The following SPAG9 variants were observed in gnomAD, a reference collection of about 807,000 sequenced individuals.
SPAG9 encodes C-Jun-amino-terminal kinase-interacting protein 4.
In SPAG9, 35 loss-of-function variants were observed where a neutral mutation model predicts 166.5. The observed-to-expected ratio is 0.21, with a 90% CI of 0.16 to 0.28. The LOEUF is 0.28. SPAG9 is among the 10% of genes least tolerant of loss of function. The pLI is 1.00. For synonymous variants in SPAG9, 534 were observed against 565.5 expected (o/e 0.94, Z 0.79); for missense variants, 1,235 against 1,603.3 (o/e 0.77, Z 3.92).
chr17:51,009,244 C>A, intron 9 of SPAG9: 4 of 405,424 alleles, frequency 9.9e-6, no homozygotes, highest in Non-Finnish European at 1.4e-5. Flanking sequence ...AGAGAGGAAA[C>A]AAAGAAATTG....
chr17:51,002,780 AC>A (rs1189266348), intron 12 of SPAG9, among the ~76,000 whole-genome samples: 1 of 151,670 alleles, frequency 6.6e-6, no homozygotes, highest in East Asian at 1.9e-4. Context: ...AACAACAACA[AC>A]AAAAACAACA....
At chr17:50,999,411 C>A in intron 14 of SPAG9, 1 of 1,323,126 alleles carries the variant, frequency 7.6e-7, no homozygotes, top group Non-Finnish European at 1.0e-6. Flanking sequence ...AGGATTGCAA[C>A]AAATGCACAG....
chr17:51,031,745 AAG>A (rs1342072326), intron 5 of SPAG9, 23 bp from the exon 6 acceptor site: 1 of 1,540,872 alleles, frequency 6.5e-7, no homozygotes. Context: ...AAGATTATAA[AAG>A]AGAAAAAAAT....
chr17:50,979,119 AC>A (rs1974399802), intron 26 of SPAG9, among the ~76,000 whole-genome samples: 1 of 151,954 alleles, frequency 6.6e-6, no homozygotes. Context: ...TGCCTGTAAC[AC>A]CAGCACTTTG....
intron 1 of SPAG9, among the ~76,000 whole-genome samples, chr17:51,088,879 G>T (rs983554239): frequency 2.6e-5 from 4 of 151,540 alleles, no homozygotes; most frequent in African/African-American, 7.3e-5. Context: ...TGGGTCATGT[G>T]GTCAAGAGAT....
At chr17:51,097,813 T>C (rs2144721218) in intron 1 of SPAG9, among the ~76,000 whole-genome samples, 1 of 152,202 alleles carries the variant, frequency 6.6e-6, no homozygotes, top group African/African-American at 2.4e-5. Flanking sequence ...TGTTTGCTTT[T>C]TAAGATAGGG....
At chr17:50,980,542 C>T (rs1448648409) in intron 25 of SPAG9, among the ~76,000 whole-genome samples, 2 of 151,308 alleles carry the variant, frequency 1.3e-5, no homozygotes, top group Non-Finnish European at 2.9e-5. Flanking sequence ...TGTGTTGTTG[C>T]AGAGCCACTG....
intron 1 of SPAG9, among the ~76,000 whole-genome samples, chr17:51,099,840 C>T (rs1166811540): frequency 1.3e-5 from 2 of 151,254 alleles, no homozygotes; most frequent in South Asian, 2.1e-4. Context: ...TGGCTCACGC[C>T]TGTAATCCCA....
intron 1 of SPAG9, among the ~76,000 whole-genome samples, chr17:51,115,191 T>G (rs1043077028): frequency 4.6e-5 from 7 of 152,024 alleles, no homozygotes; most frequent in Admixed American, 2.0e-4. Flanking sequence ...GTCATCCTAT[T>G]GTTTTGTTTT....
intron 7 of SPAG9, among the ~76,000 whole-genome samples, chr17:51,020,539 G>T (rs573446503): frequency 1.3e-5 from 2 of 152,290 alleles, no homozygotes; most frequent in African/African-American, 4.8e-5. Flanking sequence ...TTAAAAGATG[G>T]AATTTAAAGG....
At chr17:51,071,337 A>T (rs1199534564) in intron 2 of SPAG9, among the ~76,000 whole-genome samples, 1 of 152,060 alleles carries the variant, frequency 6.6e-6, no homozygotes, top group Non-Finnish European at 1.5e-5. Flanking sequence ...AGTTGATTAC[A>T]CTCCTTACAC....
chr17:51,035,973 T>C (rs777282840), intron 5 of SPAG9, among the ~76,000 whole-genome samples: 1 of 152,202 alleles, frequency 6.6e-6, no homozygotes, highest in African/African-American at 2.4e-5. Context: ...CACAGTATTA[T>C]TTGTAACAGC....
chr17:51,016,743 A>G (rs2045713896), intron 8 of SPAG9, among the ~76,000 whole-genome samples: 2 of 152,024 alleles, frequency 1.3e-5, no homozygotes, highest in Admixed American at 6.6e-5. Flanking sequence ...CGTCTCTACT[A>G]AAAATACAAA....
Position 50,998,466 on chromosome 17 carries a change from C to A in SPAG9, c.1816G>T (p.Ala606Ser). The part of the protein sequence containing the change: ...LSQLPGDKSK[A>S]FDFLSEETEA... ...TACTCTTCACTAAGGAAATCAAAGG[C>A]TTTGGACTTATCCCCAGGGAGCTGA... The change falls in exon 15 of 30, where the codon GCC becomes TCC. Residue 606 changes from alanine to serine, a missense_variant. By Grantham distance (99) the Ala-to-Ser change is moderately conservative. This residue lies in a region of SPAG9 where 493 missense variants were observed against 559.4 expected (regional missense o/e 0.88). Coordinates refer to ENST00000262013, the MANE Select transcript of SPAG9 (RefSeq NM_001130528.3). 6.2e-7 allele frequency: 1 copy of A among 1,614,038 alleles called. No individual in the cohort carries two copies. The highest frequency in any genetic ancestry group is 8.5e-7 in the Non-Finnish European group (1 of 1,179,964).
chr17:50,979,711 T>G (rs1049632744), intron 26 of SPAG9, 35 bp downstream of exon 26: 1 of 1,587,120 alleles, frequency 6.3e-7, no homozygotes, highest in South Asian at 1.1e-5. Context: ...AACACCCTCT[T>G]TGACTGGTAA....
chr17:51,096,038 G>GATATATATATAGTGATAT (rs2048635885), intron 1 of SPAG9, among the ~76,000 whole-genome samples: 2 of 92,632 alleles, frequency 2.2e-5, no homozygotes, highest in Admixed American at 1.1e-4. Context: ...TATATATAGT[G>GATATATATATAGTGATAT]ATATATATAT....
chr17:51,018,477 A>G (rs935730012), intron 8 of SPAG9, among the ~76,000 whole-genome samples: 42 of 152,252 alleles, frequency 2.8e-4, no homozygotes, highest in Admixed American at 1.8e-3. Flanking sequence ...ACACTTCTCA[A>G]GATGGAAGTA....
chr17:51,008,375 GCAAAA>G (rs1032816257), intron 9 of SPAG9, among the ~76,000 whole-genome samples: 2 of 151,458 alleles, frequency 1.3e-5, no homozygotes, highest in Admixed American at 1.3e-4. Flanking sequence ...AAAAATCAAA[GCAAAA>G]CAAAACAAAA....
intron 6 of SPAG9, among the ~76,000 whole-genome samples, chr17:51,028,077 A>G (rs1209559026): frequency 6.6e-6 from 1 of 151,946 alleles, no homozygotes; most frequent in Non-Finnish European, 1.5e-5. Context: ...AAAAAAAAAA[A>G]AAATTTTTTT....
Sources: gnomAD v4.1 joint callset for allele counts (sites outside exome capture counted in the v4.1 genomes callset) on GRCh38, gnomAD v4.1.1 for gene constraint, gnomAD v4.1.1 regional missense constraint, MANE v1.5 for transcripts, NCBI Gene and HGNC (gene_info 2026-07-23, HGNC 2026-07-21) for gene names.